Variants in HERC2 observed in about 807,000 individuals in gnomAD.
The protein encoded by HERC2 is E3 ubiquitin-protein ligase HERC2.
In HERC2, 102 loss-of-function variants were observed where a neutral mutation model predicts 537.7. The observed-to-expected ratio is 0.19, with a 90% confidence interval of 0.16 to 0.22. The LOEUF is 0.22. HERC2 is among the 10% of genes least tolerant of loss of function. The probability of loss-of-function intolerance (pLI) is 1.00; values close to 1 mark genes in which losing one functional copy is unlikely to be tolerated. For synonymous variants in HERC2, 2,224 were observed against 2,466.2 expected (o/e 0.90, Z 2.91); for missense variants, 4,236 against 6,198.2 (o/e 0.68, Z 10.63).
intron 69 of HERC2, among the ~76,000 whole-genome samples, chr15:28,160,043 C>A (rs2142410843): frequency 6.6e-6 from 1 of 152,340 alleles, no homozygotes; most frequent in Admixed American, 6.5e-5. Flanking sequence ...GGCTGCAGAA[C>A]AGCGAATATT....
chr15:28,218,496 G>A lies in HERC2; in HGVS notation c.6021C>T (p.Asp2007=), dbSNP rs752531490. The change falls in exon 38 of 93, where the codon GAC becomes GAT. Residue 2007 remains aspartate, a synonymous_variant. Transcript: ENST00000261609. The stretch of plus-strand genomic sequence containing the variant: ...CGATCTCTCATTCCATACATGTCTT[G>A]TCCGTCGTTCCGCTTTCCACTAACA... ...LRMLVESGTT[D]KTSSPNRLVY... is the part of the protein sequence containing the mutation. The A allele has an allele frequency of 1.9e-6, 3 of 1,594,378 alleles. No individual in the cohort carries two copies. The Admixed American group carries it at 5.0e-5, about 27-fold the overall frequency.
At position 28,147,023 on chromosome 15, in the gene HERC2, C is replaced by CT. The variant is rs1248217410; in HGVS notation, c.10901-680dup. On this transcript the variant is annotated intron_variant, in intron 70 of 92. Transcript: ENST00000261609. Reference sequence around the variant, plus strand: ...CTGCATGCTCTGTTGGGAGCTGATTCTGGGGGGGCCGCAGGAGGTGGGGAG... The same window carrying CT: ...CTGCATGCTCTGTTGGGAGCTGATTCTTGGGGGGGCCGCAGGAGGTGGGGAG... 5.0e-5 allele frequency among the ~76,000 whole-genome samples: 7 copies of CT among 138,752 alleles called. No individual in the cohort carries two copies. The South Asian group carries it at 1.5e-3, about 29-fold the overall frequency. 91.0% of individuals were successfully genotyped at this position (138,752 alleles called of 152,430 possible).
rs2075188986 is a variant in HERC2 at position 28,254,446 on chromosome 15, G to A, written c.2944C>T (p.His982Tyr). 6.2e-7 allele frequency: 1 copy of A among 1,607,804 alleles called. No individual in the cohort carries two copies. The highest frequency in any genetic ancestry group is 1.3e-5 in the African/African-American group (1 of 74,584). Residue 982 changes from histidine to tyrosine, a missense_variant, in exon 20 of 93, where the codon CAT becomes TAT. Physicochemically the swap from His to Tyr is moderately conservative, Grantham distance 83. Transcript: ENST00000261609. ...DEQEANASTF[H>Y]RSRTPLDKDL... ...TTATCCAGTGGAGTCCTGCTTCTAT[G>A]AAATGTTGAGGCATTCGCTTCCTGT...
At chr15:28,115,338 G>C in intron 89 of HERC2, 91 bp downstream of exon 89, 1 of 747,588 alleles carries the variant, frequency 1.3e-6, no homozygotes, top group Non-Finnish European at 2.2e-6. Flanking sequence ...ACTGAGATTA[G>C]GCCAGAGTTC....
At chr15:28,275,390 C>G (rs2075844379) in intron 5 of HERC2, among the ~76,000 whole-genome samples, 1 of 152,208 alleles carries the variant, frequency 6.6e-6, no homozygotes, top group Non-Finnish European at 1.5e-5. Context: ...AGCAGAGCCG[C>G]AGAGGGTAGC....
intron 2 of HERC2, among the ~76,000 whole-genome samples, chr15:28,310,461 A>G (rs1232120021): frequency 1.3e-5 from 2 of 152,068 alleles, no homozygotes; most frequent in Non-Finnish European, 2.9e-5. Context: ...ATTTTAATTT[A>G]AATTTAAAAA....
intron 4 of HERC2, among the ~76,000 whole-genome samples, chr15:28,292,250 AAAACCAGGCAAAGTATTTG>A (rs2076337625): frequency 6.6e-6 from 1 of 151,730 alleles, no homozygotes; most frequent in Non-Finnish European, 1.5e-5. Context: ...AAAAAAAAAA[AAAACCAGGCAAAGTATTTG>A]AATAGACATT....
At chr15:28,282,646 C>T (rs2076049275) in intron 4 of HERC2, among the ~76,000 whole-genome samples, 1 of 152,102 alleles carries the variant, frequency 6.6e-6, no homozygotes. Context: ...AAATACATGC[C>T]CCCAAGGCAG....
At chr15:28,291,644 AG>A (rs1030951478) in intron 4 of HERC2, among the ~76,000 whole-genome samples, 19 of 152,292 alleles carry the variant, frequency 1.2e-4, no homozygotes, top group African/African-American at 4.6e-4. Flanking sequence ...AAGTAAGCAA[AG>A]AATAAATGTA....
At chr15:28,231,409 G>A (rs1901828027) in intron 30 of HERC2, among the ~76,000 whole-genome samples, 1 of 152,108 alleles carries the variant, frequency 6.6e-6, no homozygotes, top group Non-Finnish European at 1.5e-5. Flanking sequence ...GCTAATGATG[G>A]GACTTGCGAG....
intron 44 of HERC2, among the ~76,000 whole-genome samples, chr15:28,207,429 C>T (rs1177356731): frequency 3.3e-5 from 5 of 152,218 alleles, no homozygotes; most frequent in African/African-American, 1.2e-4. Context: ...AGCCACCATG[C>T]CTGACCTACA....
intron 7 of HERC2, among the ~76,000 whole-genome samples, chr15:28,273,491 C>A (rs992944130): frequency 6.6e-6 from 1 of 152,140 alleles, no homozygotes; most frequent in Non-Finnish European, 1.5e-5. Flanking sequence ...AATAAATTTT[C>A]TAAAATTCTA....
chr15:28,132,616 A>T, intron 80 of HERC2, 37 bp downstream of exon 80: 3 of 1,375,072 alleles, frequency 2.2e-6, no homozygotes, highest in Non-Finnish European at 2.8e-6. Flanking sequence ...AGTGAGGAGC[A>T]TGCAGCCTCC....
At position 28,248,501 on chromosome 15, in the gene HERC2, G is replaced by C. The variant is rs371683509; in HGVS notation, c.3235+51C>G. The C allele has an allele frequency of 1.9e-5, 27 of 1,435,754 alleles. No homozygotes were observed. In the African/African-American group the frequency reaches 2.7e-4, roughly 14 times the overall value. The allele number at this position is 1,435,754 out of a possible 1,614,324, so 88.9% of individuals were successfully genotyped here. On this transcript the variant is annotated intron_variant, in intron 21 of 92. Coordinates refer to ENST00000261609, the MANE Select transcript of HERC2 (RefSeq NM_004667.6). ...GGATGGACACGTCGAAAAGCCTAAA[G>C]TAACGAGCCCCGATCACATACAAGA... is the stretch of plus-strand genomic sequence containing the variant.
In HERC2 at chr15:28,177,077, C is replaced by T; in HGVS notation, c.9305G>A (p.Arg3102Gln). The change falls in exon 61 of 93, where the codon CGG (arginine) becomes CAG (glutamine). Residue 3102 changes from arginine to glutamine, a missense_variant. Coordinates refer to ENST00000261609, the MANE Select transcript of HERC2 (RefSeq NM_004667.6). The surrounding 1 kb of genome is among the most constrained non-coding windows in gnomAD (Gnocchi z 5.0). ...GTGCGAGCTCCCACAGGCGATATCC[C>T]GGATACGCTTGGTTTTCAGGGCCTC... is the stretch of plus-strand genomic sequence containing the variant. Reference protein sequence around the residue: ...LIEALKTKRIRDIACGSSHSA... With the variant: ...LIEALKTKRIQDIACGSSHSA... 1.2e-6 allele frequency: 2 copies of T among 1,613,786 alleles called. No homozygotes were observed. Among genetic ancestry groups the T allele is most frequent in the Non-Finnish European group, 1.7e-6 (2 of 1,179,724 alleles).
intron 65 of HERC2, among the ~76,000 whole-genome samples, chr15:28,171,417 GAGA>G (rs555158849): frequency 7.3e-4 from 111 of 152,250 alleles, no homozygotes; most frequent in Middle Eastern, 6.8e-3. Flanking sequence ...AACCAGAAAG[GAGA>G]AGATGAGAGT....
intron 63 of HERC2, 133 bp from the exon 64 acceptor site, chr15:28,175,789 C>G (rs1895227966): frequency 1.0e-5 from 9 of 867,096 alleles, no homozygotes; most frequent in Non-Finnish European, 1.6e-5. Context: ...GGTCTTCAAA[C>G]TTGTATTCAA....
In HERC2 at chr15:28,269,266, G is replaced by T. The variant is rs764369184; in HGVS notation, c.1428C>A (p.Ala476=). ...LSRNGRVYTQ[A]YNSDTLAPQL... is the part of the protein sequence containing the mutation. ...CACTCACCAGCGTGTCACTATTATA[G>T]GCCTGTGTGTACACGCGGCCATTGC... Residue 476 remains alanine, a synonymous_variant, in exon 11 of 93, where the codon GCC becomes GCA. Coordinates refer to ENST00000261609, the MANE Select transcript of HERC2 (RefSeq NM_004667.6). The T allele has an allele frequency of 6.2e-7, 1 of 1,613,712 alleles. No individual in the cohort carries two copies.
rs933101285 is a variant in HERC2, at chr15:28,113,798, A to T, written c.13914-120T>A. 1 of 763,174 alleles carries T rather than the reference A, an allele frequency of 1.3e-6. No homozygotes were observed. The allele number at this position is 763,174 out of a possible 1,614,324, so 47.3% of individuals were successfully genotyped here. A position where few individuals can be genotyped will look rare whatever the true frequency, so the allele number is the denominator to read the frequency against. ...ACGTCCCAGCTGGGAGAACAGAGGGAGCAGCTCCAGATGGCATGAGCATGC... is the reference window on the plus strand; with the variant it reads ...ACGTCCCAGCTGGGAGAACAGAGGGTGCAGCTCCAGATGGCATGAGCATGC... On this transcript the variant is annotated intron_variant, in intron 90 of 92. Transcript: ENST00000261609. This position sits in a 1 kb window ranked among gnomAD's most constrained non-coding sequence, Gnocchi z 7.0.
Sources: gnomAD v4.1 joint callset for allele counts (sites outside exome capture counted in the v4.1 genomes callset) on GRCh38, gnomAD v4.1.1 for gene constraint, Gnocchi (gnomAD v3.1) non-coding constraint, MANE v1.5 for transcripts, NCBI Gene and HGNC (gene_info 2026-07-23, HGNC 2026-07-21) for gene names.